The following BEST4 variants were observed in gnomAD, a reference collection of about 807,000 sequenced individuals.
BEST4 encodes bestrophin-4.
Under a neutral mutation model 47.1 loss-of-function variants are expected in BEST4, and 36 were observed. That is an observed-to-expected ratio of 0.76 (90% CI 0.59 to 1.01). BEST4 has a LOEUF of 1.01. Among genes scored for constraint, BEST4 ranks in the 50% least tolerant of loss-of-function variants. The probability of loss-of-function intolerance (pLI) is 0.00; values close to 1 mark genes in which losing one functional copy is unlikely to be tolerated. For synonymous variants in BEST4, 250 were observed against 277.8 expected, an observed-to-expected ratio of 0.90 and a Z score of 1.00; for missense variants, 550 against 648.6, an observed-to-expected ratio of 0.85 and a Z score of 1.65.
rs1050084215 is a variant in BEST4 at position 44,787,619 on chromosome 1, G to A, written c.87C>T (p.Tyr29=). ...GGAGGAATTCCTTGTAGAGGAGCTT[G>A]TAGATGCTTCCCCTCCAGCGGAGAA... ...GLLLRWRGSI[Y]KLLYKEFLLF... The change falls in exon 1 of 9, where the codon TAC becomes TAT. Residue 29 remains tyrosine, a synonymous_variant. Coordinates refer to ENST00000372207, the MANE Select transcript of BEST4 (RefSeq NM_153274.3). The A allele has an allele frequency of 1.2e-6, 2 of 1,614,236 alleles. No homozygotes were observed. The highest frequency in any genetic ancestry group is 1.7e-6 in the Non-Finnish European group (2 of 1,180,040).
In BEST4 at chr1:44,786,305, C is replaced by T; in HGVS notation, c.482-77G>A. ...GGCTGCTGTTCCGCCGTCTGGCTCC[C>T]CTCCCTCGCGTCCACCGGCTGTCCC... On this transcript the variant is annotated intron_variant, in intron 3 of 8. Transcript: ENST00000372207. The surrounding 1 kb of genome is among the most constrained non-coding windows in gnomAD (Gnocchi z 4.9). 2 of 1,510,854 alleles carry T rather than the reference C, an allele frequency of 1.3e-6. No individual in the cohort carries two copies. 93.6% of individuals were successfully genotyped at this position (1,510,854 alleles called of 1,614,324 possible).
chr1:44,791,223 AG>A (rs1651402989), upstream of BEST4, among the ~76,000 whole-genome samples: 1 of 145,288 alleles, frequency 6.9e-6, no homozygotes, highest in Non-Finnish European at 1.5e-5. Flanking sequence ...AGAGAGAGAG[AG>A]AGAGAGTATG....
chr1:44,786,910 A>G lies in BEST4; in HGVS notation c.248-214T>C, dbSNP rs965681284. 6.6e-6 allele frequency among the ~76,000 whole-genome samples: 1 copy of G among 152,194 alleles called. No homozygotes were observed. The highest frequency in any genetic ancestry group is 2.4e-5 in the African/African-American group (1 of 41,466). ...AGAGGGAAAGTGGGGATTCAAAGCC[A>G]GGAGACTGCTTCCCAGGAGGGTGGG... On this transcript the variant is annotated intron_variant, in intron 2 of 8. Coordinates refer to ENST00000372207, the MANE Select transcript of BEST4 (RefSeq NM_153274.3). The surrounding 1 kb of genome is among the most constrained non-coding windows in gnomAD (Gnocchi z 4.9).
At chr1:44,792,633 C>T (rs546420089), upstream of BEST4, among the ~76,000 whole-genome samples, 3 of 152,162 alleles carry the variant, frequency 2.0e-5, no homozygotes, top group African/African-American at 7.2e-5. Context: ...AGGACACCTG[C>T]CATCTCCTTA....
upstream of BEST4, among the ~76,000 whole-genome samples, chr1:44,791,722 T>C (rs1651416270): frequency 6.6e-6 from 1 of 151,984 alleles, no homozygotes; most frequent in Non-Finnish European, 1.5e-5. Context: ...ACTCAGCCCA[T>C]AAATCACCTG....
chr1:44,786,334 A>G lies in BEST4; in HGVS notation c.482-106T>C. On this transcript the variant is annotated intron_variant, in intron 3 of 8. Coordinates refer to ENST00000372207, the MANE Select transcript of BEST4 (RefSeq NM_153274.3). The surrounding 1 kb of genome is among the most constrained non-coding windows in gnomAD (Gnocchi z 4.9). ...CCTCGCGTCCACCGGCTGTCCCAGG[A>G]CTCGCGGTTCCGCGTTCCTGTCGCA... The G allele has an allele frequency of 6.8e-7, 1 of 1,472,342 alleles. No individual in the cohort carries two copies. Among genetic ancestry groups the G allele is most frequent in the South Asian group, 1.3e-5 (1 of 74,922 alleles). 91.2% of individuals were successfully genotyped at this position (1,472,342 alleles called of 1,614,324 possible).
At chr1:44,790,303 A>G (rs1386289953), upstream of BEST4, among the ~76,000 whole-genome samples, 1 of 152,156 alleles carries the variant, frequency 6.6e-6, no homozygotes, top group African/African-American at 2.4e-5. Flanking sequence ...TAAGCTGAAT[A>G]CACAAGGCCC....
chr1:44,784,348 C>T lies in BEST4; in HGVS notation c.1284G>A (p.Arg428=), dbSNP rs1243270608. ...GGGTGCCTCGCACGCGGCCGAAGTT[C>T]CGGAGGCTGATGGCCGGGGAGGGCG... ...VGAPSPAISL[R]NFGRVRGTPR... is the part of the protein sequence containing the mutation. The change falls in exon 9 of 9, where the codon CGG becomes CGA. Residue 428 remains arginine, a synonymous_variant. Transcript: ENST00000372207. This position sits in a 1 kb window ranked among gnomAD's most constrained non-coding sequence, Gnocchi z 6.2. 1.4e-6 allele frequency: 2 copies of T among 1,392,780 alleles called. No individual in the cohort carries two copies. Among genetic ancestry groups the T allele is most frequent in the Admixed American group, 3.5e-5 (1 of 28,358 alleles). The allele number at this position is 1,392,780 out of a possible 1,614,324, so 86.3% of individuals were successfully genotyped here.
chr1:44,791,773 A>G (rs1651417696), upstream of BEST4, among the ~76,000 whole-genome samples: 1 of 151,382 alleles, frequency 6.6e-6, no homozygotes, highest in Non-Finnish European at 1.5e-5. Context: ...CTCCCTCCCT[A>G]TTGGTCCTGC....
At chr1:44,791,132 G>A (rs1425424244), upstream of BEST4, among the ~76,000 whole-genome samples, 1 of 151,684 alleles carries the variant, frequency 6.6e-6, no homozygotes, top group Admixed American at 6.6e-5. Context: ...GCCAAGATCT[G>A]GAAAACTACT....
chr1:44,783,699 G>A lies in BEST4; in HGVS notation c.*511C>T, dbSNP rs1651107741. 1 of 152,898 alleles carries A rather than the reference G, an allele frequency of 6.5e-6. No homozygotes were observed. Among genetic ancestry groups the A allele is most frequent in the Admixed American group, 6.5e-5 (1 of 15,276 alleles). 9.5% of individuals were successfully genotyped at this position (152,898 alleles called of 1,614,324 possible). On this transcript the variant is annotated 3_prime_UTR_variant, in exon 9 of 9. Transcript: ENST00000372207. ...CTTTTGAGTAAGGTTACCAGGGTAAGGTATACCCCTTCAAGCACGTTTCAC... is the reference window on the plus strand; with the variant it reads ...CTTTTGAGTAAGGTTACCAGGGTAAAGTATACCCCTTCAAGCACGTTTCAC...
chr1:44,782,901 G>A (rs1651084482), downstream of BEST4, among the ~76,000 whole-genome samples: 1 of 151,994 alleles, frequency 6.6e-6, no homozygotes, highest in Non-Finnish European at 1.5e-5. Context: ...TCGTATAGGA[G>A]CATAGTTTTA....
chr1:44,786,795 G>T lies in BEST4; in HGVS notation c.248-99C>A. On this transcript the variant is annotated intron_variant, in intron 2 of 8. Transcript: ENST00000372207. The surrounding 1 kb of genome is among the most constrained non-coding windows in gnomAD (Gnocchi z 4.9). Reference sequence around the variant, plus strand: ...CCAGCAAAGGGCCTGGTCCAGGCCAGTTGAATCGTGGCAGGGGGAAGGAAA... The same window carrying T: ...CCAGCAAAGGGCCTGGTCCAGGCCATTTGAATCGTGGCAGGGGGAAGGAAA... 4.5e-6 allele frequency: 4 copies of T among 895,916 alleles called. No individual in the cohort carries two copies. Among genetic ancestry groups the T allele is most frequent in the African/African-American group, 1.7e-5 (1 of 59,354 alleles). The allele number at this position is 895,916 out of a possible 1,614,324, so 55.5% of individuals were successfully genotyped here.
upstream of BEST4, among the ~76,000 whole-genome samples, chr1:44,791,857 C>G (rs1387332789): frequency 6.6e-6 from 1 of 152,098 alleles, no homozygotes; most frequent in East Asian, 1.9e-4. Flanking sequence ...GATTCCGGAG[C>G]CACACTGCCC....
At chr1:44,781,874 A>ACCATCCT (rs1651050889), downstream of BEST4, among the ~76,000 whole-genome samples, 1 of 151,890 alleles carries the variant, frequency 6.6e-6, no homozygotes, top group African/African-American at 2.4e-5. Context: ...ATTAAATTTG[A>ACCATCCT]AGTTTGGCCA....
intron 4 of BEST4, 136 bp from the exon 5 acceptor site, chr1:44,785,812 A>T: frequency 1.2e-6 from 1 of 848,152 alleles, no homozygotes; most frequent in South Asian, 1.7e-5. Flanking sequence ...GGGGTGCTTG[A>T]ATCCCAGCTC....
At position 44,787,868 on chromosome 1, in the gene BEST4, C is replaced by T. The variant is rs1185042832; in HGVS notation, c.-163G>A. ...CTGCAGAGCAGAAAAGTACACCCCA[C>T]CCCCTGCAGAACTGAGCAGTACATG... On this transcript the variant is annotated 5_prime_UTR_variant, in exon 1 of 9. In the 5' UTR this introduces an upstream ATG that the reference lacks. Coordinates refer to ENST00000372207, the MANE Select transcript of BEST4 (RefSeq NM_153274.3). Among the ~76,000 whole-genome samples the T allele has an allele frequency of 6.6e-6, 1 of 152,208 alleles. No individual in the cohort carries two copies. The highest frequency in any genetic ancestry group is 1.5e-5 in the Non-Finnish European group (1 of 68,034).
chr1:44,786,802 C>T lies in BEST4; in HGVS notation c.248-106G>A, dbSNP rs1651257311. The T allele has an allele frequency of 7.1e-6, 6 of 848,980 alleles. No individual in the cohort carries two copies. Among genetic ancestry groups the T allele is most frequent in the Non-Finnish European group, 1.1e-5 (6 of 552,528 alleles). 52.6% of individuals were successfully genotyped at this position (848,980 alleles called of 1,614,324 possible). A position where few individuals can be genotyped will look rare whatever the true frequency, so the allele number is the denominator to read the frequency against. ...AGGGCCTGGTCCAGGCCAGTTGAAT[C>T]GTGGCAGGGGGAAGGAAACATTCAG... is the stretch of plus-strand genomic sequence containing the variant. On this transcript the variant is annotated intron_variant, in intron 2 of 8. Transcript: ENST00000372207. This position sits in a 1 kb window ranked among gnomAD's most constrained non-coding sequence, Gnocchi z 4.9.
At position 44,787,554 on chromosome 1, in the gene BEST4, C is replaced by G. The variant is rs148576399; in HGVS notation, c.152G>C (p.Arg51Pro). Residue 51 changes from arginine to proline, a missense_variant and splice_region_variant, in exon 1 of 9, where the codon CGG (arginine) becomes CCG (proline). Coordinates refer to ENST00000372207, the MANE Select transcript of BEST4 (RefSeq NM_153274.3). Reference protein sequence around the residue: ...ALYAVLSITYRLLLTQEQRYV... With the variant: ...ALYAVLSITYPLLLTQEQRYV... ...GCCAGCTCTAAGACCCTGCCCTTAC[C>G]GGTAGGTGATGCTAAGCACAGCGTA... 1.2e-6 allele frequency: 2 copies of G among 1,613,986 alleles called. No homozygotes were observed. Among genetic ancestry groups the G allele is most frequent in the South Asian group, 1.1e-5 (1 of 91,090 alleles).
Sources: gnomAD v4.1 joint callset for allele counts (sites outside exome capture counted in the v4.1 genomes callset) on GRCh38, gnomAD v4.1.1 for gene constraint, Gnocchi (gnomAD v3.1) non-coding constraint, MANE v1.5 for transcripts, NCBI Gene and HGNC (gene_info 2026-07-23, HGNC 2026-07-21) for gene names.